The following ULK4 variants were observed in gnomAD, a reference collection of about 807,000 sequenced individuals.
ULK4 encodes the protein inactive serine/threonine-protein kinase ULK4.
A neutral mutation model predicts 160.6 loss-of-function variants in ULK4; 133 were observed. The observed-to-expected ratio is 0.83, with a 90% CI of 0.72 to 0.96. The LOEUF is 0.96. Among genes scored for constraint, ULK4 ranks in the 40% least tolerant of loss-of-function variants. ULK4 has a pLI of 0.00. For missense variants in ULK4, 1,580 were observed against 1,499.5 expected, an observed-to-expected ratio of 1.05 and a Z score of -0.89; for synonymous variants, 534 against 539.8, an observed-to-expected ratio of 0.99 and a Z score of 0.15.
intron 32 of ULK4, among the ~76,000 whole-genome samples, chr3:41,510,613 T>C (rs567813482): frequency 6.6e-6 from 1 of 152,186 alleles, no homozygotes; most frequent in South Asian, 2.1e-4. Flanking sequence ...TTTTAAAAAA[T>C]CGAAATTATA....
intron 17 of ULK4, among the ~76,000 whole-genome samples, chr3:41,847,969 T>C (rs917414859): frequency 6.6e-6 from 1 of 152,214 alleles, no homozygotes; most frequent in African/African-American, 2.4e-5. Flanking sequence ...CTGTAATTAA[T>C]AACTCTGAAA....
chr3:41,903,859 G>A (rs1211891291), intron 12 of ULK4, among the ~76,000 whole-genome samples: 17 of 151,864 alleles, frequency 1.1e-4, no homozygotes, highest in South Asian at 6.2e-4. Context: ...ACCAGAAGCA[G>A]TAATATCAAA....
At chr3:41,380,816 ACAGAG>A (rs1414268635) in intron 35 of ULK4, among the ~76,000 whole-genome samples, 6 of 152,026 alleles carry the variant, frequency 3.9e-5, no homozygotes, top group Non-Finnish European at 8.8e-5. Context: ...TGCCCTTTGG[ACAGAG>A]TCACCAGCAG....
At chr3:41,931,806 C>G (rs1411820256) in intron 5 of ULK4, 38 bp downstream of exon 5, 4 of 1,610,112 alleles carry the variant, frequency 2.5e-6, no homozygotes, top group Non-Finnish European at 2.5e-6. Flanking sequence ...TGGTCCACAA[C>G]TAGAGTTATG....
intron 18 of ULK4, among the ~76,000 whole-genome samples, chr3:41,834,802 G>A (rs867988864): frequency 1.3e-5 from 2 of 152,218 alleles, no homozygotes; most frequent in African/African-American, 4.8e-5. Flanking sequence ...CCAGCACTGT[G>A]GGAGGCCAAG....
rs762099769 is a variant in ULK4, at chr3:41,492,952, G to C, written c.3227-29699C>G. Among the ~76,000 whole-genome samples, 975 of 144,300 alleles carry C rather than the reference G, an allele frequency of 6.8e-3. 9 individuals carry two copies. The highest frequency in any genetic ancestry group is 0.01 in the Non-Finnish European group (682 of 65,822). 94.7% of individuals were successfully genotyped at this position (144,300 alleles called of 152,430 possible). On this transcript the variant is annotated intron_variant, in intron 32 of 36. Transcript: ENST00000301831. ...GCAAGTCCTGAGTGAACTACAAAGA[G>C]ACTTAGACTCCCACACAATAATAAT...
chr3:41,433,940 T>C (rs1351092680), intron 34 of ULK4, among the ~76,000 whole-genome samples: 1 of 152,174 alleles, frequency 6.6e-6, no homozygotes, highest in East Asian at 1.9e-4. Flanking sequence ...GTCAGGATGG[T>C]CTCAATCTCC....
At chr3:41,719,810 G>A (rs970672600) in intron 22 of ULK4, among the ~76,000 whole-genome samples, 2 of 151,954 alleles carry the variant, frequency 1.3e-5, no homozygotes, top group African/African-American at 4.8e-5. Context: ...CCCTTCCATG[G>A]CATCTCATTG....
intron 29 of ULK4, among the ~76,000 whole-genome samples, chr3:41,665,534 G>T (rs2035324872): frequency 6.6e-6 from 1 of 152,124 alleles, no homozygotes; most frequent in African/African-American, 2.4e-5. Flanking sequence ...GTCAGCAAAT[G>T]TCACATTTTA....
In ULK4 at chr3:41,414,731, C is replaced by A. The variant is rs1003093782; in HGVS notation, c.3493-16467G>T. On this transcript the variant is annotated intron_variant, in intron 34 of 36. Coordinates refer to ENST00000301831, the MANE Select transcript of ULK4 (RefSeq NM_017886.4). ...CTTTCATATATCACTCCTGCCCAAA[C>A]TCAGCTGAAGAGGCAGCAGAAAATA... 2.6e-5 allele frequency among the ~76,000 whole-genome samples: 4 copies of A among 152,170 alleles called. No homozygotes were observed. The East Asian group carries it at 5.8e-4, about 22-fold the overall frequency.
intron 32 of ULK4, among the ~76,000 whole-genome samples, chr3:41,525,802 C>A (rs1455263752): frequency 6.6e-6 from 1 of 152,182 alleles, no homozygotes; most frequent in Admixed American, 6.5e-5. Flanking sequence ...TTCCCTTTCA[C>A]TTCTTCTGTA....
At chr3:41,347,477 T>C (rs1338905492) in intron 35 of ULK4, among the ~76,000 whole-genome samples, 2 of 152,186 alleles carry the variant, frequency 1.3e-5, no homozygotes, top group African/African-American at 4.8e-5. Flanking sequence ...GGTTCAGATT[T>C]GTCTTGCCAA....
At chr3:41,570,588 TC>T (rs1363765170) in intron 31 of ULK4, among the ~76,000 whole-genome samples, 3 of 152,198 alleles carry the variant, frequency 2.0e-5, no homozygotes, top group Non-Finnish European at 4.4e-5. Flanking sequence ...CAAATATAGG[TC>T]AGTCTTACTA....
intron 34 of ULK4, among the ~76,000 whole-genome samples, chr3:41,431,761 A>C (rs2082915159): frequency 6.7e-6 from 1 of 148,896 alleles, no homozygotes. Context: ...GTTTTTAAAG[A>C]TGCGACTATT....
intron 19 of ULK4, among the ~76,000 whole-genome samples, chr3:41,813,007 A>G (rs1434911303): frequency 6.6e-6 from 1 of 152,182 alleles, no homozygotes; most frequent in Non-Finnish European, 1.5e-5. Flanking sequence ...ATACATTTGT[A>G]TCTAATCAAC....
At chr3:41,296,869 T>A (rs2079679057) in intron 35 of ULK4, among the ~76,000 whole-genome samples, 1 of 151,016 alleles carries the variant, frequency 6.6e-6, no homozygotes, top group South Asian at 2.1e-4. Context: ...CAAGTGAACC[T>A]GGAGAGGAAG....
chr3:41,921,705 G>T (rs1380254813), intron 5 of ULK4, among the ~76,000 whole-genome samples: 1 of 152,134 alleles, frequency 6.6e-6, no homozygotes, highest in Non-Finnish European at 1.5e-5. Flanking sequence ...TCAAATGGGT[G>T]GAAAACAAAT....
chr3:41,881,141 G>T (rs1251142284), intron 17 of ULK4, among the ~76,000 whole-genome samples: 4 of 151,922 alleles, frequency 2.6e-5, no homozygotes, highest in Non-Finnish European at 5.9e-5. Flanking sequence ...CACTCCACGG[G>T]GTTCCCAGAT....
At chr3:41,584,347 G>A (rs1475099218) in intron 31 of ULK4, among the ~76,000 whole-genome samples, 3 of 151,974 alleles carry the variant, frequency 2.0e-5, no homozygotes, top group African/African-American at 2.4e-5. Context: ...GCTGGAGTGC[G>A]GTGGTGTGCG....
Sources: allele counts gnomAD v4.1 joint callset (sites outside exome capture counted in the v4.1 genomes callset), GRCh38; gene constraint gnomAD v4.1.1; transcripts MANE v1.5; gene names NCBI Gene and HGNC (gene_info 2026-07-23, HGNC 2026-07-21).